PRDX1: variants seen among roughly 807,000 people sequenced by gnomAD.
The protein encoded by PRDX1 is peroxiredoxin-1.
Under a neutral mutation model 20.7 loss-of-function variants are expected in PRDX1, and 19 were observed. The observed-to-expected ratio is 0.92, with a 90% CI of 0.64 to 1.35. The LOEUF (loss-of-function observed/expected upper bound fraction) is 1.35. Among genes scored for constraint, PRDX1 ranks in the 40% most tolerant of loss-of-function variants. The pLI is 0.00. For synonymous variants in PRDX1, 89 were observed against 83.9 expected (o/e 1.06, Z -0.33); for missense variants, 226 against 240.0 (o/e 0.94, Z 0.38).
chr1:45,515,620 A>G lies in PRDX1; in HGVS notation c.260+34T>C, dbSNP rs11211127. ...TCTCAAAAAAAAAAAAAAAAAAAAAAAAGTTCACATGCCAAATAGACCAAG... is the reference window on the plus strand; with the variant it reads ...TCTCAAAAAAAAAAAAAAAAAAAAAGAAGTTCACATGCCAAATAGACCAAG... On this transcript the variant is annotated intron_variant, in intron 3 of 5. Transcript: ENST00000319248. 2.8e-3 allele frequency: 4,233 copies of G among 1,494,274 alleles called. 88 individuals carry two copies. In the African/African-American group the frequency reaches 0.037, roughly 13 times the overall value. The allele number at this position is 1,494,274 out of a possible 1,614,324, so 92.6% of individuals were successfully genotyped here. A position where few individuals can be genotyped will look rare whatever the true frequency, so the allele number is the denominator to read the frequency against.
intron 1 of PRDX1, among the ~76,000 whole-genome samples, chr1:45,521,167 A>T (rs1353716208): frequency 1.3e-5 from 2 of 152,066 alleles, no homozygotes; most frequent in Non-Finnish European, 2.9e-5. Flanking sequence ...AAACCCAACC[A>T]ATTCGGGGTA....
Position 45,514,996 on chromosome 1 carries a change from C to T in PRDX1, c.261-1G>A, listed in dbSNP as rs1302451724. The stretch of plus-strand genomic sequence containing the variant: ...TCCTTGTTTCTTAGGTGTATTGACC[C>T]TATGGCAAAAGGCAAACATACAGTT... On this transcript the variant is annotated splice_acceptor_variant, in intron 3 of 5. Transcript: ENST00000319248. LOFTEE classifies it high-confidence loss of function. 6.2e-7 allele frequency: 1 copy of T among 1,613,892 alleles called. No individual in the cohort carries two copies. Among genetic ancestry groups the T allele is most frequent in the Admixed American group, 1.7e-5 (1 of 59,902 alleles).
At chr1:45,517,781 CAAAAAAAAAAAAAA>C (rs59782906) in intron 2 of PRDX1, among the ~76,000 whole-genome samples, 1 of 84,372 alleles carries the variant, frequency 1.2e-5, no homozygotes, top group African/African-American at 4.8e-5. Flanking sequence ...GACTCCGTCT[CAAAAAAAAAAAAAA>C]AAAAAAAAAC....
intron 2 of PRDX1, among the ~76,000 whole-genome samples, chr1:45,516,067 A>G (rs1643857872): frequency 6.6e-6 from 1 of 152,230 alleles, no homozygotes; most frequent in African/African-American, 2.4e-5. Context: ...GTTCAGTCTA[A>G]TTTTGATCTT....
At position 45,515,683 on chromosome 1, in the gene PRDX1, A is replaced by G. The variant is rs1425680675; in HGVS notation, c.231T>C (p.Ser77=). The change falls in exon 3 of 6, where the codon TCT becomes TCC. Residue 77 remains serine (S), a synonymous_variant. Transcript: ENST00000319248. Reference sequence around the variant, plus strand: ...CTAGATGACAGAAGTGAGAATCCACAGAAGCACCAATCACTTGGCAGTTGA... The same window carrying G: ...CTAGATGACAGAAGTGAGAATCCACGGAAGCACCAATCACTTGGCAGTTGA... ...KKLNCQVIGA[S]VDSHFCHLAW... 6.2e-7 allele frequency: 1 copy of G among 1,605,584 alleles called. No homozygotes were observed. The highest frequency in any genetic ancestry group is 2.3e-5 in the East Asian group (1 of 44,200).
At chr1:45,518,467 C>CA (rs35407028) in intron 2 of PRDX1, among the ~76,000 whole-genome samples, 28,366 of 47,942 alleles carry the variant, frequency 0.59, 7,944 homozygotes, top group East Asian at 0.68. Flanking sequence ...AACTCCATCT[C>CA]AAAAAAAAAA....
At chr1:45,515,952 CT>C in intron 2 of PRDX1, 145 bp from the exon 3 acceptor site, 2 of 726,858 alleles carry the variant, frequency 2.8e-6, no homozygotes, top group Non-Finnish European at 4.1e-6. Flanking sequence ...CTAGAAGCTA[CT>C]TTTAGAACCT....
At chr1:45,521,654 G>C (rs1363665890) in intron 1 of PRDX1, 175 bp downstream of exon 1, 2 of 152,316 alleles carry the variant, frequency 1.3e-5, no homozygotes, top group African/African-American at 4.8e-5. Context: ...GGGCCCACGA[G>C]AGGGGTGTGC....
At chr1:45,512,069 C>CTTTTTTTTT (rs869087041) in intron 5 of PRDX1, 26 of 66,916 alleles carry the variant, frequency 3.9e-4, no homozygotes, top group African/African-American at 4.7e-4. Flanking sequence ...TCTTATTTTT[C>CTTTTTTTTT]TTTTTTTTTT....
intron 1 of PRDX1, among the ~76,000 whole-genome samples, chr1:45,519,989 C>T (rs35708671): frequency 0.023 from 3,470 of 152,094 alleles, 146 homozygotes; most frequent in African/African-American, 0.079. Flanking sequence ...GGCGGATCAC[C>T]GGGTCAGGAG....
At chr1:45,520,882 C>T (rs1247405621) in intron 1 of PRDX1, among the ~76,000 whole-genome samples, 1 of 151,662 alleles carries the variant, frequency 6.6e-6, no homozygotes, top group Non-Finnish European at 1.5e-5. Context: ...CCAGCCTGGC[C>T]GACAGAGCGA....
upstream of PRDX1, among the ~76,000 whole-genome samples, chr1:45,522,155 C>T (rs181617570): frequency 1.1e-3 from 170 of 152,278 alleles, 2 homozygotes; most frequent in Non-Finnish European, 8.7e-4. Context: ...TAGATCTCTG[C>T]GGAAAACCAG....
At position 45,511,085 on chromosome 1, in the gene PRDX1, T is replaced by A; in HGVS notation, c.*244A>T. ...AAGTTTAATACAAACTACAAAAGATTAATGGGTTGCTCTACTAATACATCA... is the reference window on the plus strand; with the variant it reads ...AAGTTTAATACAAACTACAAAAGATAAATGGGTTGCTCTACTAATACATCA... On this transcript the variant is annotated 3_prime_UTR_variant, in exon 6 of 6. Coordinates refer to ENST00000319248, the MANE Select transcript of PRDX1 (RefSeq NM_181697.3). 1 of 355,962 alleles carries A rather than the reference T, an allele frequency of 2.8e-6. No homozygotes were observed. Among genetic ancestry groups the A allele is most frequent in the Non-Finnish European group, 5.0e-6 (1 of 198,834 alleles). The allele number at this position is 355,962 out of a possible 1,614,324, so 22.1% of individuals were successfully genotyped here.
intron 3 of PRDX1, 106 bp from the exon 4 acceptor site, chr1:45,515,101 G>A: frequency 6.7e-7 from 1 of 1,485,728 alleles, no homozygotes; most frequent in Admixed American, 2.0e-5. Flanking sequence ...CAAAAAGACT[G>A]TTTTTTTTCC....
intron 5 of PRDX1, chr1:45,513,361 A>C (rs1310801641): frequency 6.6e-6 from 1 of 152,196 alleles, no homozygotes; most frequent in Non-Finnish European, 1.5e-5. Context: ...GTATACTTTG[A>C]ATAAAAAGCC....
intron 2 of PRDX1, among the ~76,000 whole-genome samples, chr1:45,518,043 G>A (rs938120637): frequency 4.6e-5 from 7 of 152,004 alleles, no homozygotes; most frequent in Non-Finnish European, 1.0e-4. Flanking sequence ...TAATAAAATA[G>A]AGGAGGGCCA....
chr1:45,516,914 G>A (rs2149328576), intron 2 of PRDX1, among the ~76,000 whole-genome samples: 1 of 151,870 alleles, frequency 6.6e-6, no homozygotes, highest in Non-Finnish European at 1.5e-5. Context: ...TCAGCTACTG[G>A]GGAGGCTGAG....
intron 3 of PRDX1, 61 bp from the exon 4 acceptor site, chr1:45,515,056 TCTTTCCC>T: frequency 4.4e-6 from 7 of 1,582,418 alleles, no homozygotes; most frequent in Non-Finnish European, 6.0e-6. Flanking sequence ...TACGCATTCC[TCTTTCCC>T]CTTTCCCATA....
Position 45,514,601 on chromosome 1 carries a change from C to A in PRDX1, c.420G>T (p.Arg140=). The A allele has an allele frequency of 6.2e-7, 1 of 1,613,516 alleles. No individual in the cohort carries two copies. The highest frequency in any genetic ancestry group is 1.1e-5 in the South Asian group (1 of 91,062). ...LFIIDDKGIL[R]QITVNDLPVG... is the part of the protein sequence containing the mutation. ...CAGGGAGGTCATTTACAGTGATCTGCCGAAGAATACCCTTATCATCAATGA... is the reference window on the plus strand; with the variant it reads ...CAGGGAGGTCATTTACAGTGATCTGACGAAGAATACCCTTATCATCAATGA... The change falls in exon 5 of 6, where the codon CGG becomes CGT. Residue 140 remains arginine (R), a synonymous_variant. Transcript: ENST00000319248.
Sources: allele counts gnomAD v4.1 joint callset (sites outside exome capture counted in the v4.1 genomes callset), GRCh38; gene constraint gnomAD v4.1.1; transcripts MANE v1.5; gene names NCBI Gene and HGNC (gene_info 2026-07-23, HGNC 2026-07-21).